CFAP54: variants seen among roughly 807,000 people sequenced by gnomAD.
CFAP54 encodes the protein cilia and flagella associated protein 54.
A neutral mutation model predicts 370.4 loss-of-function variants in CFAP54; 290 were observed. The observed-to-expected ratio is 0.78, with a 90% CI of 0.71 to 0.86. The LOEUF is 0.86. CFAP54 is among the 40% of genes least tolerant of loss of function. CFAP54 has a pLI of 0.00. For missense variants in CFAP54, 3,399 were observed against 3,528.7 expected (o/e 0.96, Z 0.93); for synonymous variants, 1,206 against 1,236.5 (o/e 0.98, Z 0.52).
At chr12:96,756,895 G>C (rs10777813) in intron 57 of CFAP54, among the ~76,000 whole-genome samples, 1 of 129,124 alleles carries the variant, frequency 7.7e-6, no homozygotes, top group African/African-American at 3.2e-5. Context: ...AGTTCGTGTG[G>C]CTGTGAATTC....
chr12:96,583,881 T>C (rs1956053175), intron 22 of CFAP54, among the ~76,000 whole-genome samples: 1 of 152,220 alleles, frequency 6.6e-6, no homozygotes, highest in Non-Finnish European at 1.5e-5. Flanking sequence ...CTCTTCTCTT[T>C]AACCCTCTTC....
intron 66 of CFAP54, among the ~76,000 whole-genome samples, chr12:96,856,630 A>G (rs1409253664): frequency 6.6e-6 from 1 of 152,202 alleles, no homozygotes; most frequent in Non-Finnish European, 1.5e-5. Flanking sequence ...TTTATTGTCC[A>G]TATCACTATC....
At chr12:96,775,614 C>A (rs927517901) in intron 60 of CFAP54, among the ~76,000 whole-genome samples, 1 of 152,152 alleles carries the variant, frequency 6.6e-6, no homozygotes, top group Non-Finnish European at 1.5e-5. Context: ...TTGACAACAC[C>A]TGGACAAGGC....
At chr12:96,787,459 T>C (rs1309064787) in intron 62 of CFAP54, among the ~76,000 whole-genome samples, 1 of 152,222 alleles carries the variant, frequency 6.6e-6, no homozygotes, top group Non-Finnish European at 1.5e-5. Flanking sequence ...GTATTGATTG[T>C]AGAGACATAA....
In CFAP54 at chr12:96,843,336, G is replaced by A. The variant is rs1959245400; in HGVS notation, c.9171+14248G>A. Among the ~76,000 whole-genome samples, 6 of 152,252 alleles carry A rather than the reference G, an allele frequency of 3.9e-5. No individual in the cohort carries two copies. The South Asian group carries it at 1.2e-3, about 32-fold the overall frequency. ...CAGAGTCCACAGAGCCCTTCAGGAG[G>A]GAACCCAGTTATAAGGTTGCCAGTA... On this transcript the variant is annotated intron_variant, in intron 66 of 67. Transcript: ENST00000524981.
intron 26 of CFAP54, among the ~76,000 whole-genome samples, chr12:96,604,997 A>C (rs1956285761): frequency 6.6e-6 from 1 of 152,200 alleles, no homozygotes; most frequent in South Asian, 2.1e-4. Flanking sequence ...CTGTCCAACC[A>C]GCCCCAATGA....
At chr12:96,583,624 G>C (rs1467304343) in intron 22 of CFAP54, among the ~76,000 whole-genome samples, 1 of 152,190 alleles carries the variant, frequency 6.6e-6, no homozygotes, top group Non-Finnish European at 1.5e-5. Context: ...TGAAGGAACA[G>C]ATTAATTTAA....
chr12:96,841,634 T>C (rs1390843598), intron 66 of CFAP54, among the ~76,000 whole-genome samples: 1 of 152,250 alleles, frequency 6.6e-6, no homozygotes, highest in East Asian at 1.9e-4. Context: ...TATCTTAAGC[T>C]GCTAATGCCA....
At position 96,823,675 on chromosome 12, in the gene CFAP54, C is replaced by A. The variant is rs959961425; in HGVS notation, c.9097-5339C>A. Among the ~76,000 whole-genome samples, 3 of 152,126 alleles carry A rather than the reference C, an allele frequency of 2.0e-5. No individual in the cohort carries two copies. The East Asian group carries it at 5.8e-4, about 29-fold the overall frequency. ...CTAGGCCATGAACTCCTTATGGGCT[C>A]TCTGTGTTTTGTTCATCTCCTATTC... On this transcript the variant is annotated intron_variant, in intron 65 of 67. Coordinates refer to ENST00000524981, the MANE Select transcript of CFAP54 (RefSeq NM_001306084.2).
intron 62 of CFAP54, among the ~76,000 whole-genome samples, chr12:96,788,585 G>T (rs185855795): frequency 9.2e-5 from 14 of 152,134 alleles, no homozygotes; most frequent in African/African-American, 1.4e-4. Context: ...AATGTGGCTT[G>T]TTCCAGAATG....
chr12:96,697,317 T>C (rs1957448003), intron 45 of CFAP54, among the ~76,000 whole-genome samples: 1 of 152,122 alleles, frequency 6.6e-6, no homozygotes, highest in South Asian at 2.1e-4. Context: ...CACATACAGA[T>C]ATGGGGAAGT....
intron 33 of CFAP54, among the ~76,000 whole-genome samples, chr12:96,647,419 G>A (rs920052269): frequency 7.8e-6 from 1 of 127,842 alleles, no homozygotes; most frequent in Non-Finnish European, 1.6e-5. Context: ...CTTGCAGTGA[G>A]CCGATATCGC....
intron 39 of CFAP54, among the ~76,000 whole-genome samples, chr12:96,664,739 CTATA>C (rs1433452591): frequency 0.046 from 1,178 of 25,834 alleles, 84 homozygotes; most frequent in East Asian, 0.28. Context: ...ATATATATAT[CTATA>C]TATATATATA....
intron 8 of CFAP54, among the ~76,000 whole-genome samples, chr12:96,523,288 A>G (rs1343014889): frequency 6.6e-6 from 1 of 152,186 alleles, no homozygotes; most frequent in Non-Finnish European, 1.5e-5. Context: ...TATTTAAATG[A>G]CTGGCTCAAG....
Position 96,658,357 on chromosome 12 carries a change from G to A in CFAP54, c.5460+11G>A. On this transcript the variant is annotated intron_variant, in intron 38 of 67. Transcript: ENST00000524981. ...GAATATGGAGAGAAGGTAAGTTTAA[G>A]TTAGTTCTATTATTCATGCTGTTGT... The A allele has an allele frequency of 6.2e-6, 10 of 1,613,610 alleles. No homozygotes were observed. Among genetic ancestry groups the A allele is most frequent in the Non-Finnish European group, 8.5e-6 (10 of 1,179,774 alleles).
chr12:96,514,553 C>G (rs900263181), intron 5 of CFAP54, among the ~76,000 whole-genome samples: 5 of 152,190 alleles, frequency 3.3e-5, no homozygotes, highest in Non-Finnish European at 2.9e-5. Flanking sequence ...CTTGGTGTAA[C>G]AACAACAAAC....
intron 19 of CFAP54, among the ~76,000 whole-genome samples, chr12:96,571,376 T>C (rs559695762): frequency 1.3e-5 from 2 of 152,316 alleles, no homozygotes; most frequent in South Asian, 4.1e-4. Flanking sequence ...TTAGAGCTTA[T>C]TTTTATTGTG....
intron 15 of CFAP54, among the ~76,000 whole-genome samples, chr12:96,551,337 G>A (rs1048679469): frequency 2.0e-5 from 3 of 152,060 alleles, no homozygotes; most frequent in African/African-American, 7.2e-5. Context: ...GCCTCAACTT[G>A]GGTAGTGAGA....
chr12:96,543,314 G>A (rs1299656906), intron 14 of CFAP54, among the ~76,000 whole-genome samples: 1 of 152,190 alleles, frequency 6.6e-6, no homozygotes, highest in Non-Finnish European at 1.5e-5. Context: ...AGGAAAGGAA[G>A]CCCCATGTAA....
Sources: gnomAD v4.1 joint callset for allele counts (sites outside exome capture counted in the v4.1 genomes callset) on GRCh38, gnomAD v4.1.1 for gene constraint, MANE v1.5 for transcripts, NCBI Gene and HGNC (gene_info 2026-07-23, HGNC 2026-07-21) for gene names.